MAGI1: variants seen among roughly 807,000 people sequenced by gnomAD.
The protein encoded by MAGI1 is membrane-associated guanylate kinase, WW and PDZ domain-containing protein 1.
Under a neutral mutation model 139.9 loss-of-function variants are expected in MAGI1, and 58 were observed. The observed-to-expected ratio is 0.41, with a 90% CI of 0.34 to 0.52. The LOEUF is 0.52. MAGI1 is among the 20% of genes least tolerant of loss of function. The pLI is 0.12. For synonymous variants in MAGI1, 812 were observed against 737.9 expected (o/e 1.10, Z -1.63); for missense variants, 1,874 against 1,901.6 (o/e 0.99, Z 0.27).
intron 1 of MAGI1, among the ~76,000 whole-genome samples, chr3:65,833,695 T>G (rs2042653342): frequency 6.6e-6 from 1 of 152,268 alleles, no homozygotes; most frequent in South Asian, 2.1e-4. Flanking sequence ...TACAACCAAC[T>G]TGAAGCAAGT....
At chr3:65,622,819 G>T (rs112957195) in intron 1 of MAGI1, among the ~76,000 whole-genome samples, 10 of 151,972 alleles carry the variant, frequency 6.6e-5, no homozygotes, top group African/African-American at 2.2e-4. Flanking sequence ...CGCCCGCCTC[G>T]GCCTCCCAAA....
At chr3:65,541,714 T>C (rs2079233914) in intron 2 of MAGI1, among the ~76,000 whole-genome samples, 1 of 152,170 alleles carries the variant, frequency 6.6e-6, no homozygotes, top group South Asian at 2.1e-4. Context: ...TTGATAAAAT[T>C]CTACACCCCT....
intron 2 of MAGI1, among the ~76,000 whole-genome samples, chr3:65,548,641 GCCTC>G (rs2079638640): frequency 6.8e-6 from 1 of 147,936 alleles, no homozygotes; most frequent in African/African-American, 2.5e-5. Context: ...TCCTGCCTCA[GCCTC>G]CCTAGCAGCT....
At chr3:65,734,574 AGAGAGAGAGAGAGG>A (rs2034547477) in intron 1 of MAGI1, among the ~76,000 whole-genome samples, 1 of 150,460 alleles carries the variant, frequency 6.6e-6, no homozygotes, top group Non-Finnish European at 1.5e-5. Flanking sequence ...AGAGAGGGAG[AGAGAGAGAGAGAGG>A]GAGAGAGAGA....
At chr3:65,837,591 A>G (rs1008000820) in intron 1 of MAGI1, among the ~76,000 whole-genome samples, 3 of 152,328 alleles carry the variant, frequency 2.0e-5, no homozygotes, top group Admixed American at 1.3e-4. Flanking sequence ...ATGGGGGCCA[A>G]CGTCCTGATG....
intron 2 of MAGI1, among the ~76,000 whole-genome samples, chr3:65,573,584 ACTT>A (rs1345723579): frequency 6.6e-6 from 1 of 152,046 alleles, no homozygotes; most frequent in Admixed American, 6.6e-5. Flanking sequence ...ATGGCAAAGA[ACTT>A]CTTCAACCTG....
In MAGI1 at chr3:65,453,283, C is replaced by T. The variant is rs139168216; in HGVS notation, c.1017G>A (p.Lys339=). The change falls in exon 6 of 23, where the codon AAG becomes AAA. Residue 339 remains lysine, a synonymous_variant. Transcript: ENST00000402939. ...CATCATCTTCACACTCTTCCAGTGG[C>T]TTCTGCTGCTTGTTTAGGCACCGAG... ...LDPRCLNKQQ[K]PLEECEDDEG... 28 of 1,612,890 alleles carry T rather than the reference C, an allele frequency of 1.7e-5. No homozygotes were observed. Among genetic ancestry groups the T allele is most frequent in the Admixed American group, 3.3e-5 (2 of 59,880 alleles).
At chr3:65,400,987 G>A (rs113711462) in intron 13 of MAGI1, among the ~76,000 whole-genome samples, 10 of 151,978 alleles carry the variant, frequency 6.6e-5, no homozygotes, top group African/African-American at 2.2e-4. Context: ...ATCCTCCGGC[G>A]CCTAAGAAAG....
chr3:65,811,927 CGTGTGTGTGTGTGT>C (rs71102883), intron 1 of MAGI1, among the ~76,000 whole-genome samples: 2 of 148,340 alleles, frequency 1.3e-5, no homozygotes, highest in African/African-American at 2.5e-5. Flanking sequence ...TGTATGTTTA[CGTGTGTGTGTGTGT>C]GTGTGTGTGT....
intron 1 of MAGI1, among the ~76,000 whole-genome samples, chr3:65,660,759 G>A (rs1224348823): frequency 1.3e-5 from 2 of 152,184 alleles, no homozygotes; most frequent in Non-Finnish European, 2.9e-5. Flanking sequence ...CTGCTATAAT[G>A]AAAGAAGATG....
intron 1 of MAGI1, among the ~76,000 whole-genome samples, chr3:65,839,552 A>G (rs1201120253): frequency 6.6e-6 from 1 of 152,218 alleles, no homozygotes; most frequent in African/African-American, 2.4e-5. Context: ...TTCAACAAAT[A>G]GTGGCAAAAT....
At chr3:65,706,040 C>A (rs1302567645) in intron 1 of MAGI1, among the ~76,000 whole-genome samples, 1 of 152,170 alleles carries the variant, frequency 6.6e-6, no homozygotes, top group East Asian at 1.9e-4. Context: ...GAGAATATGC[C>A]TTTCAGCATT....
chr3:65,580,920 T>A (rs1559690269), intron 2 of MAGI1, among the ~76,000 whole-genome samples: 1 of 152,074 alleles, frequency 6.6e-6, no homozygotes, highest in Non-Finnish European at 1.5e-5. Context: ...AGTTAAACAA[T>A]TATCTTCCCC....
At chr3:65,402,715 G>GAGGCA (rs1945010848) in intron 12 of MAGI1, among the ~76,000 whole-genome samples, 1 of 152,112 alleles carries the variant, frequency 6.6e-6, no homozygotes, top group Non-Finnish European at 1.5e-5. Flanking sequence ...AATATGAGGC[G>GAGGCA]AGGCAAGGCA....
intron 17 of MAGI1, among the ~76,000 whole-genome samples, chr3:65,377,914 C>T (rs1942685323): frequency 6.6e-6 from 1 of 152,116 alleles, no homozygotes; most frequent in South Asian, 2.1e-4. Flanking sequence ...TAAATGGAGG[C>T]CAAGTGAGCT....
intron 2 of MAGI1, among the ~76,000 whole-genome samples, chr3:65,595,726 C>G (rs1476969783): frequency 1.4e-5 from 2 of 141,300 alleles, no homozygotes; most frequent in Non-Finnish European, 3.0e-5. Flanking sequence ...TTTTTAAACA[C>G]AGAAATACAA....
chr3:65,595,434 G>A (rs1042442929), intron 2 of MAGI1, among the ~76,000 whole-genome samples: 3 of 152,154 alleles, frequency 2.0e-5, no homozygotes, highest in Admixed American at 6.5e-5. Flanking sequence ...TAGACTCAGG[G>A]TTGGTAGTTC....
intron 1 of MAGI1, among the ~76,000 whole-genome samples, chr3:65,731,120 T>C (rs2034143892): frequency 6.6e-6 from 1 of 152,186 alleles, no homozygotes; most frequent in South Asian, 2.1e-4. Context: ...ATTTAAAACA[T>C]ATAACCCATA....
intron 2 of MAGI1, among the ~76,000 whole-genome samples, chr3:65,618,042 A>G (rs1266573323): frequency 6.6e-6 from 1 of 152,226 alleles, no homozygotes; most frequent in Non-Finnish European, 1.5e-5. Context: ...TGCAGAAGCA[A>G]CGGAGGACTT....
Sources: allele counts gnomAD v4.1 joint callset (sites outside exome capture counted in the v4.1 genomes callset), GRCh38; gene constraint gnomAD v4.1.1; transcripts MANE v1.5; gene names NCBI Gene and HGNC (gene_info 2026-07-23, HGNC 2026-07-21).